The following KCNIP1 variants were observed in gnomAD, a reference collection of about 807,000 sequenced individuals.
The protein encoded by KCNIP1 is potassium voltage-gated channel interacting protein 1.
KCNIP1 carries 18 observed loss-of-function variants against 33.0 expected under a neutral mutation model. The observed-to-expected ratio is 0.55, with a 90% CI of 0.38 to 0.81. The LOEUF (loss-of-function observed/expected upper bound fraction) is 0.81, where lower values mean the gene tolerates loss of function less well. Among genes scored for constraint, KCNIP1 ranks in the 30% least tolerant of loss-of-function variants. The pLI, the probability that KCNIP1 is intolerant of heterozygous loss-of-function variation, is 0.00. For synonymous variants in KCNIP1, 93 were observed against 98.3 expected, an observed-to-expected ratio of 0.95 and a Z score of 0.32; for missense variants, 238 against 271.6, an observed-to-expected ratio of 0.88 and a Z score of 0.87.
intron 1 of KCNIP1, among the ~76,000 whole-genome samples, chr5:170,682,607 C>T (rs1301607082): frequency 5.9e-5 from 9 of 152,014 alleles, no homozygotes; most frequent in Admixed American, 3.9e-4. Context: ...AGCCCTTGGT[C>T]CCTTAGATGT....
chr5:170,680,335 A>C (rs992596869), intron 1 of KCNIP1, among the ~76,000 whole-genome samples: 1 of 152,154 alleles, frequency 6.6e-6, no homozygotes, highest in African/African-American at 2.4e-5. Flanking sequence ...AAAGTTTAGG[A>C]CATGCCGACA....
intron 1 of KCNIP1, among the ~76,000 whole-genome samples, chr5:170,382,269 G>A (rs1158076876): frequency 1.3e-5 from 2 of 152,192 alleles, no homozygotes; most frequent in Non-Finnish European, 2.9e-5. Context: ...CACCTTGGGA[G>A]CTCCATGAAT....
chr5:170,358,058 C>T (rs1763394862), intron 1 of KCNIP1, among the ~76,000 whole-genome samples: 1 of 152,314 alleles, frequency 6.6e-6, no homozygotes, highest in East Asian at 1.9e-4. Context: ...GTCAGCTCCC[C>T]TCCACCCGCC....
At chr5:170,533,630 G>A (rs918339756) in intron 1 of KCNIP1, among the ~76,000 whole-genome samples, 1 of 152,132 alleles carries the variant, frequency 6.6e-6, no homozygotes, top group Admixed American at 6.5e-5. Context: ...ACTCAACACC[G>A]CTAAGCCTCA....
rs185014088 is a variant in KCNIP1 at position 170,655,917 on chromosome 5, G to A, written c.62-62841G>A. On this transcript the variant is annotated intron_variant, in intron 1 of 7. Coordinates refer to ENST00000328939, the MANE Select transcript of KCNIP1 (RefSeq NM_014592.4). ...AAGAAATTAGAAAAATCTATGCATA[G>A]GAGAAAGCTTTCCAACAGCCCTGGA... 3.0e-3 allele frequency among the ~76,000 whole-genome samples: 460 copies of A among 152,330 alleles called. 3 individuals carry two copies. The highest frequency in any genetic ancestry group is 5.1e-3 in the Non-Finnish European group (350 of 68,032).
chr5:170,437,582 G>A (rs544279730), intron 1 of KCNIP1, among the ~76,000 whole-genome samples: 1 of 152,230 alleles, frequency 6.6e-6, no homozygotes. Context: ...CAGTGAGCAA[G>A]GGCTTGAAAT....
In KCNIP1 at chr5:170,611,195, A is replaced by C. The variant is rs533617198; in HGVS notation, c.61+106562A>C. Among the ~76,000 whole-genome samples, 4 of 152,342 alleles carry C rather than the reference A, an allele frequency of 2.6e-5. No homozygotes were observed. In the South Asian group the frequency reaches 8.3e-4, roughly 32 times the overall value. ...AGCCCCAGCTGGGCAGGAAGGAAGC[A>C]GGTGCATCAGTTTTTAGAACTAGAG... On this transcript the variant is annotated intron_variant, in intron 1 of 7. Transcript: ENST00000328939.
upstream of KCNIP1, chr5:170,503,947 C>G: frequency 2.4e-6 from 1 of 413,444 alleles, no homozygotes. Context: ...CCCCACCGTG[C>G]AGCCCTCGCC....
At chr5:170,535,708 C>G (rs1474514786) in intron 1 of KCNIP1, among the ~76,000 whole-genome samples, 1 of 152,198 alleles carries the variant, frequency 6.6e-6, no homozygotes, top group Non-Finnish European at 1.5e-5. Flanking sequence ...AAGCAAACAC[C>G]TGCTTTGATT....
At chr5:170,707,228 C>G (rs763198686) in intron 1 of KCNIP1, among the ~76,000 whole-genome samples, 1 of 151,798 alleles carries the variant, frequency 6.6e-6, no homozygotes, top group East Asian at 1.9e-4. Context: ...AAAACATCCT[C>G]TAGAGATCTG....
chr5:170,390,517 A>AAAAAAAATATATAT, intron 1 of KCNIP1, among the ~76,000 whole-genome samples: 2 of 74,544 alleles, frequency 2.7e-5, no homozygotes, highest in African/African-American at 1.3e-4. Flanking sequence ...AAAAAAAACA[A>AAAAAAAATATATAT]ATATATATAT....
intron 1 of KCNIP1, among the ~76,000 whole-genome samples, chr5:170,526,102 C>T (rs1011594590): frequency 2.6e-5 from 4 of 152,200 alleles, no homozygotes; most frequent in African/African-American, 7.2e-5. Flanking sequence ...CAGGCACTTT[C>T]GCCTGTGGCT....
chr5:170,634,394 A>C (rs1213121663), intron 1 of KCNIP1, among the ~76,000 whole-genome samples: 1 of 152,166 alleles, frequency 6.6e-6, no homozygotes, highest in Non-Finnish European at 1.5e-5. Flanking sequence ...AAAATGATTC[A>C]ATAGGCCCAA....
chr5:170,631,385 C>T (rs1262463273), intron 1 of KCNIP1, among the ~76,000 whole-genome samples: 2 of 152,112 alleles, frequency 1.3e-5, no homozygotes, highest in Non-Finnish European at 2.9e-5. Context: ...ACACATGGTA[C>T]CACTGCCCCA....
intron 1 of KCNIP1, among the ~76,000 whole-genome samples, chr5:170,598,675 G>T (rs1255445531): frequency 6.6e-6 from 1 of 152,280 alleles, no homozygotes; most frequent in Non-Finnish European, 1.5e-5. Context: ...AGAGAGGGGA[G>T]GCCTGGGAGG....
chr5:170,611,517 T>C (rs1342936278), intron 1 of KCNIP1, among the ~76,000 whole-genome samples: 2 of 152,188 alleles, frequency 1.3e-5, no homozygotes, highest in Non-Finnish European at 2.9e-5. Context: ...ATCATCCACA[T>C]AGCCCTTGCA....
intron 1 of KCNIP1, among the ~76,000 whole-genome samples, chr5:170,388,825 A>G (rs1332768986): frequency 2.0e-5 from 3 of 152,240 alleles, no homozygotes; most frequent in Non-Finnish European, 4.4e-5. Flanking sequence ...CATATTGAGT[A>G]TCAGACATGT....
chr5:170,608,704 A>G lies in KCNIP1; in HGVS notation c.61+104071A>G, dbSNP rs566325716. Among the ~76,000 whole-genome samples, 20 of 152,100 alleles carry G rather than the reference A, an allele frequency of 1.3e-4. No individual in the cohort carries two copies. In the South Asian group the frequency reaches 2.9e-3, roughly 22 times the overall value. ...GGAGAATCGCTTGAACCCGGGAGGC[A>G]GAGGTTGCAGTGAGCTGAGATGCAC... is the stretch of plus-strand genomic sequence containing the variant. On this transcript the variant is annotated intron_variant, in intron 1 of 7. Transcript: ENST00000328939.
At chr5:170,545,321 C>T (rs1169844997) in intron 1 of KCNIP1, among the ~76,000 whole-genome samples, 2 of 152,072 alleles carry the variant, frequency 1.3e-5, no homozygotes, top group Non-Finnish European at 2.9e-5. Flanking sequence ...TTGTTTTCGG[C>T]ATTTTGACTA....
Sources: gnomAD v4.1 joint callset for allele counts (sites outside exome capture counted in the v4.1 genomes callset) on GRCh38, gnomAD v4.1.1 for gene constraint, MANE v1.5 for transcripts, NCBI Gene and HGNC (gene_info 2026-07-23, HGNC 2026-07-21) for gene names.